The following ARHGEF10L variants were observed in gnomAD, a reference collection of about 807,000 sequenced individuals.
The protein encoded by ARHGEF10L is rho guanine nucleotide exchange factor 10-like protein.
A neutral mutation model predicts 141.2 loss-of-function variants in ARHGEF10L; 69 were observed. The ratio of observed to expected loss-of-function variants is 0.49; its 90% CI spans 0.40 to 0.60. The LOEUF (loss-of-function observed/expected upper bound fraction) is 0.60, where lower values mean the gene tolerates loss of function less well. Among genes scored for constraint, ARHGEF10L ranks in the 20% least tolerant of loss-of-function variants. The pLI is 0.00. For missense variants in ARHGEF10L, 1,482 were observed against 1,734.3 expected (o/e 0.85, Z 2.58); for synonymous variants, 711 against 718.5 (o/e 0.99, Z 0.17).
Position 17,648,653 on chromosome 1 carries a change from C to T in ARHGEF10L, c.2372C>T (p.Ser791Phe), listed in dbSNP as rs141216141. The T allele has an allele frequency of 2.0e-4, 319 of 1,612,800 alleles. No homozygotes were observed. Among genetic ancestry groups the T allele is most frequent in the Middle Eastern group, 1.4e-3 (7 of 4,928 alleles). Residue 791 changes from serine to phenylalanine, a missense_variant, in exon 22 of 29, where the codon TCC (serine) becomes TTC (phenylalanine). Ser to Phe is a radical substitution (Grantham distance 155). Coordinates refer to ENST00000361221, the MANE Select transcript of ARHGEF10L (RefSeq NM_018125.4). The stretch of plus-strand genomic sequence containing the variant: ...CTGGCCTGCTGCATCCCTGCCTTCT[C>T]CTCCCGGGCACTCAGCCTGCAGGTG... The part of the protein sequence containing the change: ...PILACCIPAF[S>F]SRALSLQLGA...
At chr1:17,675,682 TGTG>T (rs1263862908) in intron 26 of ARHGEF10L, among the ~76,000 whole-genome samples, 13 of 138,394 alleles carry the variant, frequency 9.4e-5, no homozygotes, top group Non-Finnish European at 7.6e-5. Flanking sequence ...TGGGTGCACA[TGTG>T]GTACAGGTGT....
chr1:17,655,977 T>A lies in ARHGEF10L; in HGVS notation c.2580T>A (p.Pro860=). Residue 860 remains proline, a synonymous_variant, in exon 24 of 29, where the codon CCT becomes CCA. Transcript: ENST00000361221. The part of the protein sequence containing the change: ...RTVKSFPLAA[P]VLCMEYIPEL... ...TCAAGTCCTTCCCACTGGCAGCCCC[T>A]GTGCTCTGCATGGAGTATATCCCGG... The A allele has an allele frequency of 6.4e-7, 1 of 1,566,402 alleles. No homozygotes were observed.
At chr1:17,616,591 T>C (rs557943700) in intron 9 of ARHGEF10L, among the ~76,000 whole-genome samples, 1 of 152,354 alleles carries the variant, frequency 6.6e-6, no homozygotes, top group South Asian at 2.1e-4. Context: ...GGAATCCTAC[T>C]AAGCGCCACA....
the ARHGEF10L span, among the ~76,000 whole-genome samples, chr1:17,527,140 C>A: frequency 4.6e-5 from 7 of 152,170 alleles, no homozygotes; most frequent in Admixed American, 4.6e-4. Flanking sequence ...CGACTTGTTT[C>A]ATCTCTGAGT....
At chr1:17,513,726 G>T in the ARHGEF10L span, among the ~76,000 whole-genome samples, 1 of 152,146 alleles carries the variant, frequency 6.6e-6, no homozygotes, top group Non-Finnish European at 1.5e-5. Flanking sequence ...ATTTTGGAGG[G>T]CTGACCTTGG....
intron 25 of ARHGEF10L, among the ~76,000 whole-genome samples, chr1:17,658,250 C>T: frequency 6.6e-6 from 1 of 152,212 alleles, no homozygotes. Flanking sequence ...AATGACCTTA[C>T]TTCCCAAGGA....
At chr1:17,580,744 C>G in intron 2 of ARHGEF10L, 112 bp downstream of exon 2, 1 of 1,258,050 alleles carries the variant, frequency 7.9e-7, no homozygotes, top group East Asian at 2.5e-5. Flanking sequence ...GAAGTCTGCT[C>G]TGCTGGCTGC....
At chr1:17,655,437 GTCCATCCATCCATCCA>G (rs55790600) in intron 23 of ARHGEF10L, among the ~76,000 whole-genome samples, 15 of 148,478 alleles carry the variant, frequency 1.0e-4, no homozygotes, top group African/African-American at 2.2e-4. Context: ...TCTATCATCT[GTCCATCCATCCATCCA>G]TCCATCCATC....
chr1:17,634,488 C>T (rs2060882750), intron 16 of ARHGEF10L, 60 bp from the exon 17 acceptor site: 1 of 1,613,942 alleles, frequency 6.2e-7, no homozygotes, highest in African/African-American at 1.3e-5. Context: ...GGTCACAGCC[C>T]CCAGATTAGC....
chr1:17,529,239 G>C, the ARHGEF10L span, among the ~76,000 whole-genome samples: 3 of 152,170 alleles, frequency 2.0e-5, no homozygotes, highest in East Asian at 5.8e-4. Context: ...CTGACCTCAA[G>C]TGATCCACCT....
intron 2 of ARHGEF10L, among the ~76,000 whole-genome samples, 175 bp from the exon 3 acceptor site, chr1:17,587,284 TC>T (rs1417633762): frequency 1.3e-5 from 2 of 151,340 alleles, no homozygotes; most frequent in African/African-American, 4.9e-5. Flanking sequence ...CCCAACCCCC[TC>T]CCCCCGGCCT....
chr1:17,537,738 C>T (rs894040620), upstream of ARHGEF10L, among the ~76,000 whole-genome samples: 9 of 151,268 alleles, frequency 5.9e-5, 1 homozygote, highest in South Asian at 2.1e-4. Flanking sequence ...TAAAGAAGGC[C>T]GGGCACGGTG....
chr1:17,664,543 C>T lies in ARHGEF10L; in HGVS notation c.2957C>T (p.Ala986Val), dbSNP rs1325439384. Reference protein sequence around the residue: ...TLLSLEDAVWASCGPRVTVLE... With the variant: ...TLLSLEDAVWVSCGPRVTVLE... The stretch of plus-strand genomic sequence containing the variant: ...TTGAGCCTGGAGGATGCCGTGTGGG[C>T]CAGCTGTGGGCCCCGGGTCACTGTC... The change falls in exon 26 of 29, where the codon GCC becomes GTC. Residue 986 changes from alanine to valine, a missense_variant. By Grantham distance (64) the Ala-to-Val change is moderately conservative (BLOSUM62 0). This residue lies in a region of ARHGEF10L where 858 missense variants were observed against 966.3 expected (regional missense o/e 0.89). Transcript: ENST00000361221. The T allele has an allele frequency of 3.7e-6, 6 of 1,607,780 alleles. No individual in the cohort carries two copies. The highest frequency in any genetic ancestry group is 5.1e-6 in the Non-Finnish European group (6 of 1,179,236).
rs770501696 is a variant in ARHGEF10L, at chr1:17,580,605, T to A, written c.10T>A (p.Ser4Thr). The change falls in exon 2 of 29, where the codon TCC (serine) becomes ACC (threonine). Residue 4 changes from serine (S) to threonine (T), a missense_variant. Transcript: ENST00000361221. ...AGCTGGACCTTGTCTGATGGCTTCCTCCAACCCTCCTCCACAGCCTGCCAT... is the reference window on the plus strand; with the variant it reads ...AGCTGGACCTTGTCTGATGGCTTCCACCAACCCTCCTCCACAGCCTGCCAT... The part of the protein sequence containing the change: MAS[S>T]NPPPQPAIGD... 2 of 1,614,180 alleles carry A rather than the reference T, an allele frequency of 1.2e-6. No individual in the cohort carries two copies. Among genetic ancestry groups the A allele is most frequent in the Non-Finnish European group, 1.7e-6 (2 of 1,180,030 alleles).
In ARHGEF10L at chr1:17,558,708, G is replaced by C. The variant is rs1276683042; in HGVS notation, c.-44+18758G>C. On this transcript the variant is annotated intron_variant, in intron 1 of 28. Coordinates refer to ENST00000361221, the MANE Select transcript of ARHGEF10L (RefSeq NM_018125.4). This position sits in a 1 kb window ranked among gnomAD's most constrained non-coding sequence, Gnocchi z 4.2. ...TTTGGTTTTGCAAGTGGTCCCACGA[G>C]GTCTGGGCCTCAGTAGATGCTTAGC... Among the ~76,000 whole-genome samples, 1 of 152,224 alleles carries C rather than the reference G, an allele frequency of 6.6e-6. No individual in the cohort carries two copies. Among genetic ancestry groups the C allele is most frequent in the Non-Finnish European group, 1.5e-5 (1 of 68,052 alleles).
At chr1:17,679,769 A>C (rs2063972506) in intron 26 of ARHGEF10L, among the ~76,000 whole-genome samples, 1 of 152,148 alleles carries the variant, frequency 6.6e-6, no homozygotes, top group Non-Finnish European at 1.5e-5. Context: ...GGCCCTGCAC[A>C]GGTCATTTCT....
intron 2 of ARHGEF10L, among the ~76,000 whole-genome samples, chr1:17,583,855 A>T (rs979150720): frequency 1.3e-5 from 2 of 151,670 alleles, no homozygotes; most frequent in Non-Finnish European, 2.9e-5. Context: ...CCAGTATTTA[A>T]ACAAATTTTT....
Position 17,573,914 on chromosome 1 carries a change from C to G in ARHGEF10L, c.-43-6639C>G, listed in dbSNP as rs565014282. Among the ~76,000 whole-genome samples, 2 of 152,142 alleles carry G rather than the reference C, an allele frequency of 1.3e-5. No homozygotes were observed. Among genetic ancestry groups the G allele is most frequent in the African/African-American group, 2.4e-5 (1 of 41,442 alleles). On this transcript the variant is annotated intron_variant, in intron 1 of 28. Transcript: ENST00000361221. The surrounding 1 kb of genome is among the most constrained non-coding windows in gnomAD (Gnocchi z 4.8). Reference sequence around the variant, plus strand: ...CTCCAGCCATTGACCAAACTTGGCCCCTGCCCCAGTGAGGCAGGCCCCCTT... The same window carrying G: ...CTCCAGCCATTGACCAAACTTGGCCGCTGCCCCAGTGAGGCAGGCCCCCTT...
intron 1 of ARHGEF10L, among the ~76,000 whole-genome samples, chr1:17,574,244 C>A (rs546192311): frequency 6.6e-6 from 1 of 152,306 alleles, no homozygotes; most frequent in African/African-American, 2.4e-5. Context: ...TCTCTGTCAG[C>A]CTCATTTTCC....
Sources: gnomAD v4.1 joint callset for allele counts (sites outside exome capture counted in the v4.1 genomes callset) on GRCh38, gnomAD v4.1.1 for gene constraint, gnomAD v4.1.1 regional missense constraint, Gnocchi (gnomAD v3.1) non-coding constraint, MANE v1.5 for transcripts, NCBI Gene and HGNC (gene_info 2026-07-23, HGNC 2026-07-21) for gene names.